The following NBAS variants were observed in gnomAD, a reference collection of about 807,000 sequenced individuals.
NBAS encodes NBAS subunit of NRZ tethering complex.
NBAS carries 219 observed loss-of-function variants against 302.5 expected under a neutral mutation model. The ratio of observed to expected loss-of-function variants is 0.72; its 90% CI spans 0.65 to 0.81. The LOEUF is 0.81. Ranked by LOEUF, NBAS falls within the 30% of genes least tolerant of loss-of-function variation. The pLI, the probability that NBAS is intolerant of heterozygous loss-of-function variation, is 0.00. For missense variants in NBAS, 2,932 were observed against 2,841.6 expected (o/e 1.03, Z -0.72); for synonymous variants, 1,118 against 1,021.6 (o/e 1.09, Z -1.80).
chr2:15,492,713 G>T (rs996776484), intron 11 of NBAS, among the ~76,000 whole-genome samples: 3 of 151,946 alleles, frequency 2.0e-5, no homozygotes, highest in African/African-American at 7.3e-5. Flanking sequence ...TGCCTGCCTC[G>T]GCCTCCCAAA....
intron 11 of NBAS, among the ~76,000 whole-genome samples, chr2:15,493,564 G>T (rs1213827023): frequency 6.6e-6 from 1 of 151,906 alleles, no homozygotes; most frequent in Non-Finnish European, 1.5e-5. Context: ...CTACTTAGAA[G>T]GCTGAGGTGG....
intron 28 of NBAS, among the ~76,000 whole-genome samples, chr2:15,389,255 T>G (rs1462682455): frequency 6.6e-6 from 1 of 152,234 alleles, no homozygotes; most frequent in African/African-American, 2.4e-5. Context: ...GCTTATGTAA[T>G]ACAACCAGTA....
intron 35 of NBAS, among the ~76,000 whole-genome samples, chr2:15,351,544 GGC>G (rs1334515675): frequency 2.0e-5 from 3 of 152,072 alleles, no homozygotes; most frequent in Non-Finnish European, 4.4e-5. Context: ...CTGGTGTGGT[GGC>G]GCTCACCTGT....
intron 23 of NBAS, among the ~76,000 whole-genome samples, chr2:15,422,444 G>A (rs1011929932): frequency 1.3e-5 from 2 of 152,024 alleles, no homozygotes; most frequent in African/African-American, 4.8e-5. Context: ...ACTTGTGAGT[G>A]GGGGGAGCAA....
rs7590458 is a variant in NBAS, at chr2:15,461,450, C to T, written c.2203-113G>A. The T allele has an allele frequency of 0.64, 695,543 of 1,091,266 alleles. 226,616 individuals carry two copies. Among genetic ancestry groups the T allele is most frequent in the Non-Finnish European group, 0.67 (485,782 of 722,382 alleles). 67.6% of individuals were successfully genotyped at this position (1,091,266 alleles called of 1,614,324 possible). ...TTTATGCAGCTCTGATATGAAACAC[C>T]TTGAAATGACCCTAGTTTTTCCTAG... On this transcript the variant is annotated intron_variant, in intron 20 of 51. Transcript: ENST00000281513.
intron 40 of NBAS, among the ~76,000 whole-genome samples, chr2:15,302,664 G>T (rs948736135): frequency 6.6e-5 from 10 of 152,180 alleles, no homozygotes; most frequent in Non-Finnish European, 4.4e-5. Context: ...AGATGTGATG[G>T]TTAATATTAA....
chr2:15,311,630 T>A (rs1389100156), intron 38 of NBAS, among the ~76,000 whole-genome samples: 1 of 152,198 alleles, frequency 6.6e-6, no homozygotes, highest in East Asian at 1.9e-4. Flanking sequence ...ACTTAAATAG[T>A]CACACTTGAT....
the NBAS span, among the ~76,000 whole-genome samples, chr2:14,877,065 T>A: frequency 2.6e-5 from 4 of 152,256 alleles, no homozygotes; most frequent in Non-Finnish European, 5.9e-5. Flanking sequence ...TGAGCTCTCC[T>A]GTGGAATGTG....
chr2:14,909,366 T>TAAAAAAAAA, the NBAS span, among the ~76,000 whole-genome samples: 159 of 78,540 alleles, frequency 2.0e-3, 8 homozygotes, highest in African/African-American at 8.0e-3. Context: ...GGAGAGTTTC[T>TAAAAAAAAA]AAAAAAAAAA....
the NBAS span, among the ~76,000 whole-genome samples, chr2:15,093,888 A>G: frequency 6.6e-6 from 1 of 152,236 alleles, no homozygotes; most frequent in Non-Finnish European, 1.5e-5. Context: ...ATGAAAATAC[A>G]CTGCTCCTAT....
chr2:15,177,270 G>A (rs898852317), intron 51 of NBAS, among the ~76,000 whole-genome samples: 11 of 152,158 alleles, frequency 7.2e-5, no homozygotes, highest in African/African-American at 2.2e-4. Flanking sequence ...AAAGTGTTAC[G>A]GAAGTAAATC....
At chr2:15,326,869 C>T (rs1031268527) in intron 38 of NBAS, among the ~76,000 whole-genome samples, 1 of 152,020 alleles carries the variant, frequency 6.6e-6, no homozygotes, top group African/African-American at 2.4e-5. Context: ...TCTCCAGCAG[C>T]ATGTGAGTAC....
At chr2:14,995,571 C>T in the NBAS span, among the ~76,000 whole-genome samples, 1 of 152,186 alleles carries the variant, frequency 6.6e-6, no homozygotes, top group Non-Finnish European at 1.5e-5. Context: ...TTCCGTCCTA[C>T]TCCACCCCAC....
the NBAS span, among the ~76,000 whole-genome samples, chr2:15,028,910 A>C: frequency 6.6e-6 from 1 of 152,214 alleles, no homozygotes; most frequent in African/African-American, 2.4e-5. Flanking sequence ...CTCTCTCCCC[A>C]GTCTAGAATG....
chr2:15,296,385 C>CA (rs1434902645), intron 40 of NBAS, among the ~76,000 whole-genome samples: 2 of 151,738 alleles, frequency 1.3e-5, no homozygotes, highest in African/African-American at 4.8e-5. Flanking sequence ...CTAAAAGTAC[C>CA]AAAAAAATTA....
At chr2:15,315,983 C>A (rs528422970) in intron 38 of NBAS, among the ~76,000 whole-genome samples, 1 of 152,196 alleles carries the variant, frequency 6.6e-6, no homozygotes, top group African/African-American at 2.4e-5. Context: ...AATCCACAAA[C>A]CATATGAAGC....
At chr2:15,327,898 T>C in intron 37 of NBAS, 28 bp from the exon 38 acceptor site, 6 of 1,613,096 alleles carry the variant, frequency 3.7e-6, no homozygotes, top group Non-Finnish European at 5.1e-6. Flanking sequence ...TTTCACTATC[T>C]AGTAGGGTGC....
chr2:14,911,069 G>A, the NBAS span, among the ~76,000 whole-genome samples: 1 of 152,156 alleles, frequency 6.6e-6, no homozygotes, highest in Admixed American at 6.5e-5. Context: ...TTGAAAACTT[G>A]TCTCTCTGTT....
the NBAS span, among the ~76,000 whole-genome samples, chr2:15,144,067 A>ATATATATATATATAT: frequency 1.7e-5 from 2 of 115,822 alleles, no homozygotes; most frequent in African/African-American, 6.8e-5. Flanking sequence ...ATATATATAT[A>ATATATATATATATAT]TCTCCCATTA....
Sources: gnomAD v4.1 joint callset for allele counts (sites outside exome capture counted in the v4.1 genomes callset) on GRCh38, gnomAD v4.1.1 for gene constraint, MANE v1.5 for transcripts, NCBI Gene and HGNC (gene_info 2026-07-23, HGNC 2026-07-21) for gene names.